Variants in SLC35F3 observed in about 807,000 individuals in gnomAD.
The protein encoded by SLC35F3 is solute carrier family 35 member F3.
Under a neutral mutation model 49.9 loss-of-function variants are expected in SLC35F3, and 25 were observed. That is an observed-to-expected ratio of 0.50 (90% CI 0.37 to 0.70). SLC35F3 has a LOEUF of 0.70. Ranked by LOEUF, SLC35F3 falls within the 30% of genes least tolerant of loss-of-function variation. The pLI, the probability that SLC35F3 is intolerant of heterozygous loss-of-function variation, is 0.00. For synonymous variants in SLC35F3, 275 were observed against 265.4 expected, an observed-to-expected ratio of 1.04 and a Z score of -0.35; for missense variants, 525 against 639.8, an observed-to-expected ratio of 0.82 and a Z score of 1.94.
chr1:233,970,515 A>T (rs1225320567), intron 2 of SLC35F3, among the ~76,000 whole-genome samples: 1 of 152,156 alleles, frequency 6.6e-6, no homozygotes, highest in Non-Finnish European at 1.5e-5. Context: ...CAGGGGGTGG[A>T]GTTTGATAGG....
At chr1:234,028,656 C>T (rs1664013142) in intron 2 of SLC35F3, among the ~76,000 whole-genome samples, 1 of 152,146 alleles carries the variant, frequency 6.6e-6, no homozygotes, top group African/African-American at 2.4e-5. Context: ...GAAAGAAACA[C>T]AATACTAATA....
At chr1:234,277,498 C>T (rs1225614359) in intron 3 of SLC35F3, among the ~76,000 whole-genome samples, 1 of 152,234 alleles carries the variant, frequency 6.6e-6, no homozygotes, top group Non-Finnish European at 1.5e-5. Flanking sequence ...TACATCAGTG[C>T]TGCATAGGTA....
chr1:234,229,299 A>G (rs902445613), intron 2 of SLC35F3, among the ~76,000 whole-genome samples: 2 of 151,962 alleles, frequency 1.3e-5, no homozygotes, highest in African/African-American at 2.4e-5. Flanking sequence ...GTTATTTTCA[A>G]ATAACAGTGT....
chr1:233,985,862 G>A (rs1269772273), intron 2 of SLC35F3, among the ~76,000 whole-genome samples: 1 of 152,212 alleles, frequency 6.6e-6, no homozygotes, highest in Non-Finnish European at 1.5e-5. Context: ...TTCCTGCAGA[G>A]GTTGATGAAC....
At position 233,957,550 on chromosome 1, in the gene SLC35F3, C is replaced by T. The variant is rs1236056300; in HGVS notation, c.283+51792C>T. ...CAATAACTGGCTGTGTGTGGTGGCT[C>T]GTGCCTGTAATCCCAGCACTTTGGG... On this transcript the variant is annotated intron_variant, in intron 2 of 7. Transcript: ENST00000366618. The surrounding 1 kb of genome is among the most constrained non-coding windows in gnomAD (Gnocchi z 4.0). Among the ~76,000 whole-genome samples, 2 of 152,142 alleles carry T rather than the reference C, an allele frequency of 1.3e-5. No homozygotes were observed. Among genetic ancestry groups the T allele is most frequent in the African/African-American group, 2.4e-5 (1 of 41,422 alleles).
chr1:234,260,323 C>G (rs1667883233), intron 3 of SLC35F3, among the ~76,000 whole-genome samples: 2 of 152,152 alleles, frequency 1.3e-5, no homozygotes, highest in Admixed American at 1.3e-4. Context: ...ATATGCCCTT[C>G]TCTTCTACTT....
At chr1:234,184,726 G>A (rs758389961) in intron 2 of SLC35F3, among the ~76,000 whole-genome samples, 8 of 152,128 alleles carry the variant, frequency 5.3e-5, no homozygotes, top group Non-Finnish European at 7.4e-5. Flanking sequence ...ACTCAGCTCC[G>A]CAGGCCATGG....
intron 3 of SLC35F3, among the ~76,000 whole-genome samples, chr1:234,295,084 C>T (rs1447178584): frequency 1.3e-5 from 2 of 152,264 alleles, no homozygotes; most frequent in Non-Finnish European, 2.9e-5. Context: ...GGTTGCCCAT[C>T]TCAGTGCCTC....
chr1:234,005,782 A>G (rs1260005145), intron 2 of SLC35F3, among the ~76,000 whole-genome samples: 1 of 152,196 alleles, frequency 6.6e-6, no homozygotes, highest in Admixed American at 6.5e-5. Context: ...AGCCAGACAA[A>G]GTGAGATTGA....
chr1:233,918,869 GC>G (rs932296078), intron 2 of SLC35F3, among the ~76,000 whole-genome samples: 2 of 150,150 alleles, frequency 1.3e-5, no homozygotes, highest in African/African-American at 4.9e-5. Context: ...TATTTCTTGT[GC>G]TTAATAGTAC....
intron 3 of SLC35F3, among the ~76,000 whole-genome samples, chr1:234,242,103 G>A (rs983320191): frequency 2.6e-5 from 4 of 152,198 alleles, no homozygotes; most frequent in African/African-American, 2.4e-5. Flanking sequence ...AACAGGAATC[G>A]TGGGAAATTG....
In SLC35F3 at chr1:234,266,888, T is replaced by G. The variant is rs12033974; in HGVS notation, c.608+35147T>G. Reference sequence around the variant, plus strand: ...GAAGCACATGGTTTTTTTTTTTTTTTTTTTTTTTTATTGATCATTCTTGGG... The same window carrying G: ...GAAGCACATGGTTTTTTTTTTTTTTGTTTTTTTTTATTGATCATTCTTGGG... On this transcript the variant is annotated intron_variant, in intron 3 of 7. Coordinates refer to ENST00000366618, the MANE Select transcript of SLC35F3 (RefSeq NM_173508.4). 5.0e-4 allele frequency among the ~76,000 whole-genome samples: 74 copies of G among 149,252 alleles called. 1 individual carries two copies. Among genetic ancestry groups the G allele is most frequent in the African/African-American group, 1.5e-3 (61 of 40,090 alleles).
chr1:233,963,575 A>G (rs985772572), intron 2 of SLC35F3, among the ~76,000 whole-genome samples: 2 of 152,140 alleles, frequency 1.3e-5, no homozygotes, highest in African/African-American at 4.8e-5. Flanking sequence ...TGCTGGGATT[A>G]CAGGCATGAG....
chr1:234,030,273 G>C (rs1664041073), intron 2 of SLC35F3, among the ~76,000 whole-genome samples: 1 of 152,172 alleles, frequency 6.6e-6, no homozygotes, highest in Non-Finnish European at 1.5e-5. Flanking sequence ...CCACAGTGCT[G>C]TCTGTGCTGC....
At chr1:234,126,263 T>G (rs1665645615) in intron 2 of SLC35F3, among the ~76,000 whole-genome samples, 1 of 152,208 alleles carries the variant, frequency 6.6e-6, no homozygotes, top group African/African-American at 2.4e-5. Flanking sequence ...ATCCAGCTCA[T>G]CTCTACCTAT....
intron 2 of SLC35F3, among the ~76,000 whole-genome samples, chr1:233,964,831 C>G (rs776758781): frequency 1.1e-4 from 16 of 152,318 alleles, no homozygotes; most frequent in Non-Finnish European, 1.9e-4. Flanking sequence ...CTGGCCATTT[C>G]CCCTCTTGAG....
intron 2 of SLC35F3, among the ~76,000 whole-genome samples, chr1:234,062,844 A>ATTTTTTTTT (rs71170448): frequency 1.5e-5 from 2 of 132,506 alleles, no homozygotes; most frequent in African/African-American, 2.8e-5. Flanking sequence ...CGCCTGGCTA[A>ATTTTTTTTT]TTTTTTTTTT....
intron 2 of SLC35F3, among the ~76,000 whole-genome samples, chr1:234,216,761 C>T (rs188129172): frequency 1.1e-4 from 17 of 152,278 alleles, no homozygotes; most frequent in African/African-American, 3.9e-4. Context: ...TTTCCGCAAA[C>T]GTAAAAGAGA....
intron 5 of SLC35F3, among the ~76,000 whole-genome samples, chr1:234,317,399 C>G (rs1043610556): frequency 6.6e-6 from 1 of 151,214 alleles, no homozygotes; most frequent in African/African-American, 2.4e-5. Context: ...CTTCCCTTCT[C>G]CTCCTCTCTC....
Sources: gnomAD v4.1 joint callset for allele counts (sites outside exome capture counted in the v4.1 genomes callset) on GRCh38, gnomAD v4.1.1 for gene constraint, Gnocchi (gnomAD v3.1) non-coding constraint, MANE v1.5 for transcripts, NCBI Gene and HGNC (gene_info 2026-07-23, HGNC 2026-07-21) for gene names.